MTUS2: variants seen among roughly 807,000 people sequenced by gnomAD.
MTUS2 encodes microtubule-associated tumor suppressor candidate 2.
In MTUS2, 40 loss-of-function variants were observed where a neutral mutation model predicts 114.1. The observed-to-expected ratio is 0.35, with a 90% CI of 0.27 to 0.46. The LOEUF (loss-of-function observed/expected upper bound fraction) is 0.46, where lower values mean the gene tolerates loss of function less well. Ranked by LOEUF, MTUS2 falls within the 20% of genes least tolerant of loss-of-function variation. The pLI, the probability that MTUS2 is intolerant of heterozygous loss-of-function variation, is 1.00. For missense variants in MTUS2, 1,679 were observed against 1,705.4 expected, an observed-to-expected ratio of 0.98 and a Z score of 0.27; for synonymous variants, 688 against 672.0, an observed-to-expected ratio of 1.02 and a Z score of -0.37.
chr13:29,474,689 C>T (rs528096108), intron 9 of MTUS2, among the ~76,000 whole-genome samples: 1 of 152,078 alleles, frequency 6.6e-6, no homozygotes, highest in Non-Finnish European at 1.5e-5. Flanking sequence ...ATCTATATCC[C>T]ATTGGCACAG....
chr13:28,821,378 C>T (rs914905315), intron 1 of MTUS2, among the ~76,000 whole-genome samples: 2 of 152,158 alleles, frequency 1.3e-5, no homozygotes, highest in African/African-American at 4.8e-5. Flanking sequence ...TCTTTGACTA[C>T]TTATTGATAA....
At chr13:29,358,277 C>T (rs1243979170) in intron 7 of MTUS2, among the ~76,000 whole-genome samples, 1 of 152,206 alleles carries the variant, frequency 6.6e-6, no homozygotes. Context: ...GGGTCTTGGA[C>T]TGTGGTGGAG....
intron 15 of MTUS2, among the ~76,000 whole-genome samples, chr13:29,501,827 C>G (rs3011618): frequency 2.6e-5 from 4 of 152,030 alleles, no homozygotes; most frequent in African/African-American, 9.7e-5. Context: ...CATACACTCA[C>G]ATGCACTCAC....
chr13:28,964,095 G>A (rs756974950), intron 2 of MTUS2, among the ~76,000 whole-genome samples: 8 of 152,084 alleles, frequency 5.3e-5, no homozygotes, highest in Non-Finnish European at 1.0e-4. Flanking sequence ...AACTTATTAG[G>A]CTAATTGTTT....
chr13:28,953,304 T>C (rs1882901700), intron 2 of MTUS2, among the ~76,000 whole-genome samples: 1 of 152,038 alleles, frequency 6.6e-6, no homozygotes, highest in South Asian at 2.1e-4. Context: ...AGGTCAGTAG[T>C]TTGAGACCAG....
chr13:29,157,628 C>T (rs1892916284), intron 5 of MTUS2, among the ~76,000 whole-genome samples: 1 of 152,142 alleles, frequency 6.6e-6, no homozygotes, highest in Non-Finnish European at 1.5e-5. Flanking sequence ...TCCAACATCT[C>T]TTTCTGTCCT....
intron 2 of MTUS2, among the ~76,000 whole-genome samples, chr13:28,888,427 T>TTC: frequency 6.6e-6 from 1 of 150,894 alleles, no homozygotes; most frequent in East Asian, 1.9e-4. Context: ...ATCTTTTTTT[T>TTC]TTTTTTTTTG....
intron 8 of MTUS2, among the ~76,000 whole-genome samples, chr13:29,408,533 G>A (rs959108162): frequency 3.9e-5 from 6 of 152,140 alleles, no homozygotes; most frequent in Admixed American, 1.3e-4. Context: ...CTCCAGGCTG[G>A]TCTTGAACCC....
intron 9 of MTUS2, among the ~76,000 whole-genome samples, chr13:29,456,728 GA>G (rs200306681): frequency 0.044 from 6,739 of 151,508 alleles, 188 homozygotes; most frequent in Middle Eastern, 0.065. Flanking sequence ...ATGAAAGAAA[GA>G]AAAAAAACTG....
At chr13:29,267,918 A>G (rs1042803809) in intron 5 of MTUS2, among the ~76,000 whole-genome samples, 2 of 152,206 alleles carry the variant, frequency 1.3e-5, no homozygotes, top group African/African-American at 4.8e-5. Flanking sequence ...AGCTGGGAAA[A>G]TGAAAACAGG....
chr13:28,910,657 T>C (rs577678431), intron 2 of MTUS2, among the ~76,000 whole-genome samples: 1 of 152,096 alleles, frequency 6.6e-6, no homozygotes, highest in Non-Finnish European at 1.5e-5. Flanking sequence ...CTGTGTTAGT[T>C]TGCTGAGGAT....
intron 4 of MTUS2, among the ~76,000 whole-genome samples, chr13:29,042,150 A>AT: frequency 6.6e-6 from 1 of 152,026 alleles, no homozygotes; most frequent in South Asian, 2.1e-4. Context: ...TTCCGTGCTG[A>AT]TTTTGCTGAG....
chr13:29,353,276 C>A (rs1027930845), intron 7 of MTUS2, among the ~76,000 whole-genome samples: 2 of 152,132 alleles, frequency 1.3e-5, no homozygotes, highest in African/African-American at 4.8e-5. Flanking sequence ...CTCAACCGAT[C>A]CTCCCACATC....
At chr13:29,008,694 A>G (rs1375515937) in intron 2 of MTUS2, among the ~76,000 whole-genome samples, 1 of 152,208 alleles carries the variant, frequency 6.6e-6, no homozygotes, top group Non-Finnish European at 1.5e-5. Context: ...TTTACTGTTC[A>G]GAAATCCGTT....
At chr13:29,282,972 A>C (rs1593259088) in intron 6 of MTUS2, among the ~76,000 whole-genome samples, 1 of 152,196 alleles carries the variant, frequency 6.6e-6, no homozygotes, top group South Asian at 2.1e-4. Flanking sequence ...AGTATTTGCC[A>C]CAACAAACAA....
Position 29,296,381 on chromosome 13 carries a change from AT to A in MTUS2, c.2806+14526del, listed in dbSNP as rs543110006. 2.3e-4 allele frequency among the ~76,000 whole-genome samples: 34 copies of A among 149,574 alleles called. No individual in the cohort carries two copies. The South Asian group carries it at 4.5e-3, about 20-fold the overall frequency. On this transcript the variant is annotated intron_variant, in intron 6 of 15. Transcript: ENST00000612955. ...CACCATGCTTGGCCAATTAAAAAAAATTTTTTTTTTGTAGAGATGGGGTCTT... is the reference window on the plus strand; with the variant it reads ...CACCATGCTTGGCCAATTAAAAAAAATTTTTTTTTGTAGAGATGGGGTCTT...
At chr13:29,047,239 G>A (rs1887666461) in intron 4 of MTUS2, among the ~76,000 whole-genome samples, 1 of 152,174 alleles carries the variant, frequency 6.6e-6, no homozygotes, top group Admixed American at 6.5e-5. Context: ...CTGTGAAATG[G>A]AAGTTTTACC....
chr13:29,099,869 A>G (rs1890336045), intron 4 of MTUS2, among the ~76,000 whole-genome samples: 1 of 152,188 alleles, frequency 6.6e-6, no homozygotes, highest in African/African-American at 2.4e-5. Context: ...TAGTGTTGTG[A>G]TAATCATTGC....
Position 29,496,131 on chromosome 13 carries a change from C to T in MTUS2, c.3580-1107C>T, listed in dbSNP as rs143886102. ...AGCCTGTGGTCCTGAGAGTCATGGC[C>T]AGAGCTGAGTGGGGCAGGGTCAGTG... On this transcript the variant is annotated intron_variant, in intron 12 of 15. Coordinates refer to ENST00000612955, the MANE Select transcript of MTUS2 (RefSeq NM_001033602.4). This position sits in a 1 kb window ranked among gnomAD's most constrained non-coding sequence, Gnocchi z 4.3. Among the ~76,000 whole-genome samples the T allele has an allele frequency of 6.6e-6, 1 of 152,250 alleles. No homozygotes were observed. Among genetic ancestry groups the T allele is most frequent in the East Asian group, 1.9e-4 (1 of 5,178 alleles).
Sources: gnomAD v4.1 joint callset for allele counts (sites outside exome capture counted in the v4.1 genomes callset) on GRCh38, gnomAD v4.1.1 for gene constraint, Gnocchi (gnomAD v3.1) non-coding constraint, MANE v1.5 for transcripts, NCBI Gene and HGNC (gene_info 2026-07-23, HGNC 2026-07-21) for gene names.